The following NKAIN4 variants were observed in gnomAD, a reference collection of about 807,000 sequenced individuals.
NKAIN4 encodes sodium/potassium transporting ATPase interacting 4.
NKAIN4 carries 28 observed loss-of-function variants against 28.8 expected under a neutral mutation model. That is an observed-to-expected ratio of 0.97 (90% CI 0.72 to 1.33). The LOEUF (loss-of-function observed/expected upper bound fraction) is 1.33, where lower values mean the gene tolerates loss of function less well. Ranked by LOEUF, NKAIN4 falls within the 40% of genes most tolerant of loss-of-function variation. The probability of loss-of-function intolerance (pLI) is 0.00; values close to 1 mark genes in which losing one functional copy is unlikely to be tolerated. For missense variants in NKAIN4, 289 were observed against 277.2 expected, an observed-to-expected ratio of 1.04 and a Z score of -0.30; for synonymous variants, 122 against 115.6, an observed-to-expected ratio of 1.06 and a Z score of -0.36.
intron 6 of NKAIN4, 133 bp from the exon 7 acceptor site, chr20:63,241,639 A>C: frequency 1.3e-6 from 1 of 789,622 alleles, no homozygotes; most frequent in Non-Finnish European, 2.2e-6. Context: ...CCTTTGGCAG[A>C]AAGGAGATGG....
chr20:63,254,533 C>G (rs1053043865), upstream of NKAIN4: 15 of 1,050,730 alleles, frequency 1.4e-5, no homozygotes, highest in Non-Finnish European at 1.8e-5. Flanking sequence ...GCGCCGCAGC[C>G]TGGACCCCGC....
chr20:63,249,565 C>T (rs2066920508), intron 2 of NKAIN4, among the ~76,000 whole-genome samples: 1 of 152,144 alleles, frequency 6.6e-6, no homozygotes, highest in South Asian at 2.1e-4. Flanking sequence ...GGCCAGGGGT[C>T]TGCTGGGGTC....
At chr20:63,244,171 C>A in intron 4 of NKAIN4, 87 bp from the exon 5 acceptor site, 2 of 1,186,194 alleles carry the variant, frequency 1.7e-6, no homozygotes, top group South Asian at 1.3e-5. Context: ...AGCACTGGAG[C>A]GCCCCTGACC....
At chr20:63,243,797 C>T (rs1231519006) in intron 5 of NKAIN4, 5 of 479,624 alleles carry the variant, frequency 1.0e-5, no homozygotes, top group African/African-American at 2.0e-5. Context: ...GTCCTTGGAC[C>T]GGGGGGCAGC....
intron 4 of NKAIN4, chr20:63,246,865 C>G (rs890646205): frequency 2.8e-5 from 28 of 985,298 alleles, no homozygotes; most frequent in Non-Finnish European, 3.1e-5. Flanking sequence ...GAGGCGGGAG[C>G]TGAGGCACAC....
chr20:63,242,515 G>C, intron 6 of NKAIN4, 24 bp downstream of exon 6: 1 of 1,563,958 alleles, frequency 6.4e-7, no homozygotes, highest in Non-Finnish European at 8.8e-7. Context: ...TGGCCGCAGA[G>C]CAGGTTCTGC....
In NKAIN4 at chr20:63,245,932, C is replaced by CTT. The variant is rs372655588; in HGVS notation, c.471+1644_471+1645dup. ...TCTTCATTCATTCCCCTCAAGCTTC[C>CTT]TTTTTTTTTTTTTGAGACAGAGTCT... On this transcript the variant is annotated intron_variant, in intron 4 of 6. Transcript: ENST00000370316. This position sits in a 1 kb window ranked among gnomAD's most constrained non-coding sequence, Gnocchi z 4.7. 1.5e-4 allele frequency among the ~76,000 whole-genome samples: 22 copies of CTT among 143,036 alleles called. No homozygotes were observed. Among genetic ancestry groups the CTT allele is most frequent in the African/African-American group, 3.1e-4 (12 of 38,386 alleles). 93.8% of individuals were successfully genotyped at this position (143,036 alleles called of 152,430 possible).
chr20:63,253,129 C>T (rs1055964176), intron 1 of NKAIN4: 7 of 723,136 alleles, frequency 9.7e-6, no homozygotes, highest in Non-Finnish European at 1.2e-5. Flanking sequence ...CTGGAGTCTT[C>T]GAGTGCCCAC....
intron 1 of NKAIN4, among the ~76,000 whole-genome samples, chr20:63,251,127 G>A (rs1202355958): frequency 6.6e-6 from 1 of 152,066 alleles, no homozygotes; most frequent in Non-Finnish European, 1.5e-5. Flanking sequence ...CACTGGCCAG[G>A]GGGCCCTTGC....
intron 4 of NKAIN4, chr20:63,246,909 G>C (rs1406406101): frequency 1.0e-6 from 1 of 985,298 alleles, no homozygotes; most frequent in Non-Finnish European, 1.2e-6. Context: ...CGGCACAGCG[G>C]GGAAGTGGCC....
chr20:63,250,076 G>C lies in NKAIN4; in HGVS notation c.55-4C>G. Reference sequence around the variant, plus strand: ...CCTGCCTCTCCAGGGCGGCGACCTAGGAGCAGGGCGGGCGCCATGAAGGGT... The same window carrying C: ...CCTGCCTCTCCAGGGCGGCGACCTACGAGCAGGGCGGGCGCCATGAAGGGT... On this transcript the variant is annotated splice_polypyrimidine_tract_variant and splice_region_variant and intron_variant, in intron 1 of 6. Transcript: ENST00000370316. The C allele has an allele frequency of 6.4e-7, 1 of 1,561,452 alleles. No homozygotes were observed. The highest frequency in any genetic ancestry group is 1.7e-4 in the Middle Eastern group (1 of 5,990).
intron 4 of NKAIN4, chr20:63,247,215 T>C (rs1296405585): frequency 1.4e-5 from 17 of 1,188,256 alleles, no homozygotes; most frequent in South Asian, 7.3e-5. Context: ...GGGACACGCA[T>C]GGATGGGTTT....
chr20:63,247,756 A>G lies in NKAIN4; in HGVS notation c.293T>C (p.Phe98Ser), dbSNP rs1410208328. Residue 98 changes from phenylalanine (F) to serine (S), a missense_variant, in exon 4 of 7, where the codon TTC becomes TCC. Physicochemically the swap from Phe to Ser is radical, Grantham distance 155. Coordinates refer to ENST00000370316, the MANE Select transcript of NKAIN4 (RefSeq NM_152864.4). ...CCAGGAGCGATGCCGGGAGAGGCTG[A>G]AGGTCAGTAGCTCGCTGTCCTAGGG... ...GLLKDSELLT[F>S]SLSRHRSWWR... 4.8e-6 allele frequency: 7 copies of G among 1,470,622 alleles called. No individual in the cohort carries two copies. The East Asian group carries it at 1.2e-4, about 26-fold the overall frequency. The allele number at this position is 1,470,622 out of a possible 1,614,324, so 91.1% of individuals were successfully genotyped here. A position where few individuals can be genotyped will look rare whatever the true frequency, so the allele number is the denominator to read the frequency against.
intron 4 of NKAIN4, chr20:63,244,349 TG>T: frequency 5.5e-6 from 3 of 548,598 alleles, no homozygotes; most frequent in South Asian, 5.2e-5. Context: ...GGATATTGGG[TG>T]GGGAAGATGA....
chr20:63,242,675 G>T, intron 5 of NKAIN4, 52 bp from the exon 6 acceptor site: 1 of 1,443,162 alleles, frequency 6.9e-7, no homozygotes, highest in Non-Finnish European at 9.7e-7. Context: ...TGGAAAAGAT[G>T]TCAGAGTGGA....
rs1272223782 is a variant in NKAIN4 at position 63,245,797 on chromosome 20, T to A, written c.472-1713A>T. 1.3e-5 allele frequency among the ~76,000 whole-genome samples: 2 copies of A among 152,046 alleles called. No homozygotes were observed. The highest frequency in any genetic ancestry group is 2.9e-5 in the Non-Finnish European group (2 of 67,994). The stretch of plus-strand genomic sequence containing the variant: ...CTACATCCTATCAAAGAAATTCCCA[T>A]CCCTGGGAGTCAGGATAAAAGCCAA... On this transcript the variant is annotated intron_variant, in intron 4 of 6. Coordinates refer to ENST00000370316, the MANE Select transcript of NKAIN4 (RefSeq NM_152864.4). The surrounding 1 kb of genome is among the most constrained non-coding windows in gnomAD (Gnocchi z 4.7).
In NKAIN4 at chr20:63,252,856, C is replaced by T. The variant is rs938962703; in HGVS notation, c.54+1541G>A. 6.6e-6 allele frequency among the ~76,000 whole-genome samples: 1 copy of T among 152,184 alleles called. No individual in the cohort carries two copies. The highest frequency in any genetic ancestry group is 1.5e-5 in the Non-Finnish European group (1 of 68,028). ...CATGACCCCACCCGCCCCTCTGCAC[C>T]CTGAGGTCACATCCGACCAGCACAG... On this transcript the variant is annotated intron_variant, in intron 1 of 6. Transcript: ENST00000370316. The surrounding 1 kb of genome is among the most constrained non-coding windows in gnomAD (Gnocchi z 4.6).
chr20:63,249,942 A>G lies in NKAIN4; in HGVS notation c.185T>C (p.Val62Ala). 1 of 1,613,104 alleles carries G rather than the reference A, an allele frequency of 6.2e-7. No individual in the cohort carries two copies. Among genetic ancestry groups the G allele is most frequent in the South Asian group, 1.1e-5 (1 of 91,022 alleles). ...FGTIQYRLRYVMVYTLWAAVW... is the reference protein window; with the variant it reads ...FGTIQYRLRYAMVYTLWAAVW... ...GCCGGGCCCAGGACTCACCACCATG[A>G]CATAGCGCAGCCGGTACTGGATGGT... Residue 62 changes from valine to alanine, a missense_variant, in exon 2 of 7, where the codon GTC becomes GCC. Physicochemically the swap from Val to Ala is moderately conservative, Grantham distance 64. Transcript: ENST00000370316.
upstream of NKAIN4, chr20:63,254,511 C>T (rs1384552745): frequency 4.3e-6 from 5 of 1,175,646 alleles, no homozygotes; most frequent in African/African-American, 8.0e-5. Context: ...CCCCGCTCCG[C>T]CCGCTCCCCA....
Sources: gnomAD v4.1 joint callset for allele counts (sites outside exome capture counted in the v4.1 genomes callset) on GRCh38, gnomAD v4.1.1 for gene constraint, Gnocchi (gnomAD v3.1) non-coding constraint, MANE v1.5 for transcripts, NCBI Gene and HGNC (gene_info 2026-07-23, HGNC 2026-07-21) for gene names.